Variants in ZMIZ2 observed in about 807,000 individuals in gnomAD.
ZMIZ2 encodes zinc finger MIZ domain-containing protein 2.
Under a neutral mutation model 93.9 loss-of-function variants are expected in ZMIZ2, and 26 were observed. That is an observed-to-expected ratio of 0.28 (90% CI 0.20 to 0.38). The LOEUF (loss-of-function observed/expected upper bound fraction) is 0.38. ZMIZ2 is among the 10% of genes least tolerant of loss of function. The pLI, the probability that ZMIZ2 is intolerant of heterozygous loss-of-function variation, is 1.00. For missense variants in ZMIZ2, 1,023 were observed against 1,235.0 expected, an observed-to-expected ratio of 0.83 and a Z score of 2.57; for synonymous variants, 485 against 516.4, an observed-to-expected ratio of 0.94 and a Z score of 0.82.
At position 44,748,902 on chromosome 7, in the gene ZMIZ2, GC is replaced by G. The variant is rs1772055508; in HGVS notation, c.-151del. On this transcript the variant is annotated 5_prime_UTR_variant, in exon 1 of 19. The change abolishes the stop of an existing upstream ORF in the 5' untranslated region. Coordinates refer to ENST00000309315, the MANE Select transcript of ZMIZ2 (RefSeq NM_031449.4). The stretch of plus-strand genomic sequence containing the variant: ...TGGCGCGGGTGGCGGCGGCCCCGGG[GC>G]GGCGGGCGGCGCGGAGGGCGGGCTG... 1 of 147,800 alleles carries G rather than the reference GC, an allele frequency of 6.8e-6. No homozygotes were observed. Among genetic ancestry groups the G allele is most frequent in the African/African-American group, 2.4e-5 (1 of 40,894 alleles). The allele number at this position is 147,800 out of a possible 1,614,324, so 9.2% of individuals were successfully genotyped here. A position where few individuals can be genotyped will look rare whatever the true frequency, so the allele number is the denominator to read the frequency against.
In ZMIZ2 at chr7:44,761,480, C is replaced by T; in HGVS notation, c.1272C>T (p.Thr424=). 6.2e-7 allele frequency: 1 copy of T among 1,613,926 alleles called. No homozygotes were observed. Among genetic ancestry groups the T allele is most frequent in the Non-Finnish European group, 8.5e-7 (1 of 1,180,034 alleles). ...GSGPCDELRL[T]FPVRDGVVLE... is the part of the protein sequence containing the mutation. ...GGCCTTGTGACGAGTTGCGGCTGAC[C>T]TTCCCTGTGCGCGATGGGGTGGTCC... is the stretch of plus-strand genomic sequence containing the variant. Residue 424 remains threonine (T), a synonymous_variant, in exon 10 of 19, where the codon ACC becomes ACT. Coordinates refer to ENST00000309315, the MANE Select transcript of ZMIZ2 (RefSeq NM_031449.4). The surrounding 1 kb of genome is among the most constrained non-coding windows in gnomAD (Gnocchi z 5.8).
Position 44,767,812 on chromosome 7 carries a change from G to T in ZMIZ2, c.*189G>T. On this transcript the variant is annotated 3_prime_UTR_variant, in exon 19 of 19. Coordinates refer to ENST00000309315, the MANE Select transcript of ZMIZ2 (RefSeq NM_031449.4). ...AGCAGCCCTGTGCTCGATGGGAGGGGCTCCCAGGCCGGCAGCCCTTGCCAC... is the reference window on the plus strand; with the variant it reads ...AGCAGCCCTGTGCTCGATGGGAGGGTCTCCCAGGCCGGCAGCCCTTGCCAC... 1.6e-6 allele frequency: 1 copy of T among 613,498 alleles called. No individual in the cohort carries two copies. Among genetic ancestry groups the T allele is most frequent in the South Asian group, 1.9e-5 (1 of 51,666 alleles). The allele number at this position is 613,498 out of a possible 1,614,324, so 38.0% of individuals were successfully genotyped here. A position where few individuals can be genotyped will look rare whatever the true frequency, so the allele number is the denominator to read the frequency against.
At chr7:44,759,977 T>A (rs1385585111) in intron 7 of ZMIZ2, 174 bp from the exon 8 acceptor site, 2 of 710,670 alleles carry the variant, frequency 2.8e-6, no homozygotes, top group Non-Finnish European at 2.3e-6. Context: ...CCAACCTGTT[T>A]GATCATTTTC....
In ZMIZ2 at chr7:44,766,351, A is replaced by T. The variant is rs777500269; in HGVS notation, c.2412+18A>T. 3.2e-5 allele frequency: 52 copies of T among 1,603,784 alleles called. No homozygotes were observed. Among genetic ancestry groups the T allele is most frequent in the Non-Finnish European group, 4.3e-5 (50 of 1,173,794 alleles). Reference sequence around the variant, plus strand: ...CAAGCCAGGTCAGTGCCAAGCCGAGAGGCCAAGGGGCCCTGTCTCCCCAGG... The same window carrying T: ...CAAGCCAGGTCAGTGCCAAGCCGAGTGGCCAAGGGGCCCTGTCTCCCCAGG... On this transcript the variant is annotated intron_variant, in intron 17 of 18. Coordinates refer to ENST00000309315, the MANE Select transcript of ZMIZ2 (RefSeq NM_031449.4). The surrounding 1 kb of genome is among the most constrained non-coding windows in gnomAD (Gnocchi z 4.4).
At chr7:44,762,817 T>G in intron 11 of ZMIZ2, 64 bp from the exon 12 acceptor site, 21 of 1,116,746 alleles carry the variant, frequency 1.9e-5, no homozygotes, top group African/African-American at 2.1e-5. Context: ...CAGCACACCC[T>G]TTACCTGGCC....
chr7:44,758,498 G>C (rs1175681561), intron 6 of ZMIZ2, among the ~76,000 whole-genome samples: 1 of 151,272 alleles, frequency 6.6e-6, no homozygotes, highest in Non-Finnish European at 1.5e-5. Context: ...AGCAAAAGCC[G>C]GGCATGCTGT....
At chr7:44,757,717 A>G in intron 5 of ZMIZ2, 131 bp from the exon 6 acceptor site, 1 of 1,091,698 alleles carries the variant, frequency 9.2e-7, no homozygotes. Context: ...TGAGGGTCTG[A>G]GGGGAGAGGT....
intron 7 of ZMIZ2, chr7:44,759,909 G>A: frequency 1.8e-6 from 1 of 555,556 alleles, no homozygotes. Flanking sequence ...GCGCCGGGTG[G>A]TGCAGCTTGG....
At position 44,766,357 on chromosome 7, in the gene ZMIZ2, A is replaced by G. The variant is rs745784638; in HGVS notation, c.2412+24A>G. On this transcript the variant is annotated intron_variant, in intron 17 of 18. Transcript: ENST00000309315. The surrounding 1 kb of genome is among the most constrained non-coding windows in gnomAD (Gnocchi z 4.4). ...AGGTCAGTGCCAAGCCGAGAGGCCAAGGGGCCCTGTCTCCCCAGGGGAGCC... is the reference window on the plus strand; with the variant it reads ...AGGTCAGTGCCAAGCCGAGAGGCCAGGGGGCCCTGTCTCCCCAGGGGAGCC... 2.9e-5 allele frequency: 47 copies of G among 1,605,742 alleles called. No homozygotes were observed. Among genetic ancestry groups the G allele is most frequent in the Non-Finnish European group, 3.7e-5 (44 of 1,174,718 alleles).
At chr7:44,755,308 T>C (rs1583615970) in intron 1 of ZMIZ2, among the ~76,000 whole-genome samples, 1 of 152,282 alleles carries the variant, frequency 6.6e-6, no homozygotes, top group African/African-American at 2.4e-5. Flanking sequence ...CTGCCAGGTC[T>C]GTGGGTGCCC....
chr7:44,759,568 C>T (rs1189602796), intron 7 of ZMIZ2, 108 bp downstream of exon 7: 4 of 1,086,878 alleles, frequency 3.7e-6, no homozygotes, highest in Admixed American at 8.0e-5. Flanking sequence ...GCTAAAGGGG[C>T]CAGCAGGATG....
chr7:44,764,242 T>A (rs1347678109), intron 13 of ZMIZ2, among the ~76,000 whole-genome samples, 177 bp from the exon 14 acceptor site: 1 of 152,224 alleles, frequency 6.6e-6, no homozygotes, highest in Non-Finnish European at 1.5e-5. Context: ...GAGAGCTGTT[T>A]GGGCTGTTCC....
chr7:44,756,468 G>T lies in ZMIZ2; in HGVS notation c.94G>T (p.Ala32Ser). Reference protein sequence around the residue: ...AYESVPWQQSATQPAGSLSVV... With the variant: ...AYESVPWQQSSTQPAGSLSVV... ...TGAGTCTGTGCCTTGGCAACAAAGC[G>T]CCACTCAGCCGGCTGGATCGCTGTC... The change falls in exon 3 of 19, where the codon GCC becomes TCC. Residue 32 changes from alanine to serine, a missense_variant. Around this residue, in one of 3 missense-constraint regions of ZMIZ2, gnomAD observed 656 missense variants for 777.1 expected, o/e 0.84. Coordinates refer to ENST00000309315, the MANE Select transcript of ZMIZ2 (RefSeq NM_031449.4). The T allele has an allele frequency of 6.2e-7, 1 of 1,614,064 alleles. No homozygotes were observed. Among genetic ancestry groups the T allele is most frequent in the Non-Finnish European group, 8.5e-7 (1 of 1,180,028 alleles).
Position 44,766,367 on chromosome 7 carries a change from T to C in ZMIZ2, c.2412+34T>C. 1 of 1,607,642 alleles carries C rather than the reference T, an allele frequency of 6.2e-7. No individual in the cohort carries two copies. On this transcript the variant is annotated intron_variant, in intron 17 of 18. Coordinates refer to ENST00000309315, the MANE Select transcript of ZMIZ2 (RefSeq NM_031449.4). This position sits in a 1 kb window ranked among gnomAD's most constrained non-coding sequence, Gnocchi z 4.4. ...CAAGCCGAGAGGCCAAGGGGCCCTG[T>C]CTCCCCAGGGGAGCCCCTGAGCTGT...
chr7:44,763,236 C>T lies in ZMIZ2; in HGVS notation c.1703-20C>T. ...ATCTTGGGGACCCTTTACTCAAGTCCTTTACCTTGTTGATGTCAGTAAAGC... is the reference window on the plus strand; with the variant it reads ...ATCTTGGGGACCCTTTACTCAAGTCTTTTACCTTGTTGATGTCAGTAAAGC... On this transcript the variant is annotated intron_variant, in intron 12 of 18. Transcript: ENST00000309315. The surrounding 1 kb of genome is among the most constrained non-coding windows in gnomAD (Gnocchi z 5.6). 1 of 1,613,028 alleles carries T rather than the reference C, an allele frequency of 6.2e-7. No individual in the cohort carries two copies.
intron 1 of ZMIZ2, chr7:44,750,848 ATGGGCCTTGCATGATC>A: frequency 6.6e-6 from 1 of 152,360 alleles, no homozygotes; most frequent in Admixed American, 6.5e-5. Context: ...CTTGGTGGGC[ATGGGCCTTGCATGATC>A]TGGGATCCAG....
chr7:44,755,506 TG>T (rs1441547182), intron 1 of ZMIZ2, among the ~76,000 whole-genome samples: 1 of 152,166 alleles, frequency 6.6e-6, no homozygotes, highest in African/African-American at 2.4e-5. Context: ...GCCTTCTTGT[TG>T]GGAGGGGCTG....
chr7:44,759,153 C>G (rs1200353367), intron 6 of ZMIZ2, 128 bp from the exon 7 acceptor site: 1 of 746,836 alleles, frequency 1.3e-6, no homozygotes, highest in Non-Finnish European at 2.0e-6. Context: ...AGTGTCACAG[C>G]AGGATCTTCA....
chr7:44,762,965 G>A lies in ZMIZ2; in HGVS notation c.1681G>A (p.Ala561Thr), dbSNP rs1257181821. 1 of 1,613,226 alleles carries A rather than the reference G, an allele frequency of 6.2e-7. No individual in the cohort carries two copies. Among genetic ancestry groups the A allele is most frequent in the South Asian group, 1.1e-5 (1 of 91,062 alleles). The change falls in exon 12 of 19, where the codon GCT (alanine) becomes ACT (threonine). Residue 561 changes from alanine (A) to threonine (T), a missense_variant. Ala to Thr is a moderately conservative substitution (Grantham distance 58). This residue lies in a region of ZMIZ2 where 656 missense variants were observed against 777.1 expected (regional missense o/e 0.84). Coordinates refer to ENST00000309315, the MANE Select transcript of ZMIZ2 (RefSeq NM_031449.4). ...CCTCCTCAAAAAGCGCCTCCTGCCTGCTGAGCACTGCATCACCAAGAGTGA... is the reference window on the plus strand; with the variant it reads ...CCTCCTCAAAAAGCGCCTCCTGCCTACTGAGCACTGCATCACCAAGAGTGA... ...QGLLKKRLLPAEHCITKIKRN... is the reference protein window; with the variant it reads ...QGLLKKRLLPTEHCITKIKRN...
Sources: allele counts gnomAD v4.1 joint callset (sites outside exome capture counted in the v4.1 genomes callset), GRCh38; gene constraint gnomAD v4.1.1; regional missense constraint gnomAD v4.1.1; non-coding constraint Gnocchi (gnomAD v3.1); transcripts MANE v1.5; gene names NCBI Gene and HGNC (gene_info 2026-07-23, HGNC 2026-07-21).